PDE8A: variants seen among roughly 807,000 people sequenced by gnomAD.
PDE8A encodes phosphodiesterase 8A.
In PDE8A, 59 loss-of-function variants were observed where a neutral mutation model predicts 105.0. That is an observed-to-expected ratio of 0.56 (90% confidence interval 0.46 to 0.70). The LOEUF (loss-of-function observed/expected upper bound fraction) is 0.70, where lower values mean the gene tolerates loss of function less well. Among genes scored for constraint, PDE8A ranks in the 30% least tolerant of loss-of-function variants. The pLI, the probability that PDE8A is intolerant of heterozygous loss-of-function variation, is 0.00. For synonymous variants in PDE8A, 355 were observed against 371.9 expected (o/e 0.95, Z 0.52); for missense variants, 1,014 against 1,045.9 (o/e 0.97, Z 0.42).
chr15:85,118,258 A>G (rs990201520), intron 17 of PDE8A, among the ~76,000 whole-genome samples: 6 of 152,100 alleles, frequency 3.9e-5, no homozygotes, highest in African/African-American at 1.4e-4. Context: ...GCTCCCACCC[A>G]GGGTTATCTA....
chr15:85,013,556 A>C (rs936005998), intron 1 of PDE8A, among the ~76,000 whole-genome samples: 1 of 152,202 alleles, frequency 6.6e-6, no homozygotes, highest in African/African-American at 2.4e-5. Context: ...GATTGTCTGT[A>C]ATTACTCAAC....
chr15:85,048,366 A>G (rs1259407239), intron 1 of PDE8A, among the ~76,000 whole-genome samples: 1 of 151,520 alleles, frequency 6.6e-6, no homozygotes, highest in Non-Finnish European at 1.5e-5. Context: ...TTTATTTTTT[A>G]TCTATTTGAT....
chr15:85,054,232 C>G (rs62021235), intron 1 of PDE8A, among the ~76,000 whole-genome samples: 2,634 of 151,156 alleles, frequency 0.017, 59 homozygotes, highest in Non-Finnish European at 0.026. Flanking sequence ...GTATTTTATT[C>G]AGGATTTTTG....
At chr15:85,026,926 TTCTG>T (rs1281595639) in intron 1 of PDE8A, among the ~76,000 whole-genome samples, 1 of 152,216 alleles carries the variant, frequency 6.6e-6, no homozygotes, top group Non-Finnish European at 1.5e-5. Context: ...ACGTTTTTCT[TTCTG>T]TGGTCTACAA....
intron 1 of PDE8A, among the ~76,000 whole-genome samples, chr15:85,007,216 G>T (rs1420725306): frequency 6.6e-6 from 1 of 152,094 alleles, no homozygotes; most frequent in East Asian, 1.9e-4. Context: ...GGGCCAGGCA[G>T]TGTCAGTTAA....
intron 20 of PDE8A, among the ~76,000 whole-genome samples, chr15:85,134,110 C>T (rs760829366): frequency 2.6e-5 from 4 of 152,292 alleles, no homozygotes; most frequent in South Asian, 4.1e-4. Flanking sequence ...GGCCCCTGGA[C>T]GTTCCATGCA....
chr15:84,995,204 T>C lies in PDE8A; in HGVS notation c.186+12856T>C, dbSNP rs192841546. Among the ~76,000 whole-genome samples the C allele has an allele frequency of 1.0e-3, 153 of 152,298 alleles. 1 individual carries two copies. The highest frequency in any genetic ancestry group is 3.4e-3 in the African/African-American group (141 of 41,568). On this transcript the variant is annotated intron_variant, in intron 1 of 21. Coordinates refer to ENST00000394553, the MANE Select transcript of PDE8A (RefSeq NM_002605.3). ...TTATTTTCATTCCAGAAAGTTTCAT[T>C]ATGCTCCTTATTGGACAATCTCTTC... is the stretch of plus-strand genomic sequence containing the variant.
intron 1 of PDE8A, among the ~76,000 whole-genome samples, chr15:85,015,002 G>A (rs145737810): frequency 3.5e-4 from 53 of 152,162 alleles, no homozygotes; most frequent in African/African-American, 1.2e-3. Context: ...ACCAATGAAC[G>A]TTTGATTTAA....
At chr15:85,134,867 C>T (rs1288911247) in intron 20 of PDE8A, among the ~76,000 whole-genome samples, 2 of 152,126 alleles carry the variant, frequency 1.3e-5, no homozygotes, top group African/African-American at 2.4e-5. Context: ...TCTGGGAGAG[C>T]CTGAGGTGCT....
chr15:85,057,045 C>T (rs145318392), intron 1 of PDE8A, among the ~76,000 whole-genome samples: 1 of 152,158 alleles, frequency 6.6e-6, no homozygotes, highest in Non-Finnish European at 1.5e-5. Context: ...CAGTCAGGAC[C>T]CTCAACTGCA....
chr15:85,017,815 A>G (rs1402094284), intron 1 of PDE8A, among the ~76,000 whole-genome samples: 1 of 140,758 alleles, frequency 7.1e-6, no homozygotes, highest in East Asian at 2.1e-4. Flanking sequence ...TGAACCTGGG[A>G]GACAGAGGTT....
upstream of PDE8A, among the ~76,000 whole-genome samples, chr15:84,981,812 G>T (rs1344811816): frequency 6.6e-6 from 1 of 151,178 alleles, no homozygotes; most frequent in Non-Finnish European, 1.5e-5. Flanking sequence ...AGCCGCTCCT[G>T]GGTAAGGAGA....
At chr15:85,126,120 T>A (rs2082254578) in intron 19 of PDE8A, 87 bp from the exon 20 acceptor site, 2 of 898,522 alleles carry the variant, frequency 2.2e-6, no homozygotes, top group African/African-American at 1.7e-5. Context: ...AGTGCTCTTT[T>A]TATGCTTACA....
intron 1 of PDE8A, among the ~76,000 whole-genome samples, chr15:85,042,165 GT>G (rs1357647351): frequency 6.6e-6 from 1 of 151,754 alleles, no homozygotes; most frequent in Non-Finnish European, 1.5e-5. Context: ...TCAGAGGTTT[GT>G]TTTTTGTTTT....
At chr15:85,076,179 G>C (rs1207024008) in intron 4 of PDE8A, among the ~76,000 whole-genome samples, 1 of 152,100 alleles carries the variant, frequency 6.6e-6, no homozygotes, top group Non-Finnish European at 1.5e-5. Context: ...ATTCCTAAAA[G>C]TATGAATGTT....
At chr15:84,987,465 CTTTTTTTTTTT>C (rs10656480) in intron 1 of PDE8A, among the ~76,000 whole-genome samples, 3 of 92,468 alleles carry the variant, frequency 3.2e-5, no homozygotes, top group Admixed American at 1.3e-4. Context: ...GGATTGGTTC[CTTTTTTTTTTT>C]TTTTTTTTTT....
At chr15:85,034,347 A>G (rs1171017912) in intron 1 of PDE8A, among the ~76,000 whole-genome samples, 1 of 152,244 alleles carries the variant, frequency 6.6e-6, no homozygotes, top group African/African-American at 2.4e-5. Flanking sequence ...TCAGTCCACC[A>G]AGAGATAACT....
chr15:85,109,323 G>A (rs561073600), intron 12 of PDE8A, among the ~76,000 whole-genome samples, 193 bp downstream of exon 12: 1 of 152,186 alleles, frequency 6.6e-6, no homozygotes, highest in Admixed American at 6.5e-5. Context: ...GCCTTTTAAT[G>A]GAATCAGAAA....
chr15:85,032,347 T>C (rs995957558), intron 1 of PDE8A, among the ~76,000 whole-genome samples: 4 of 152,236 alleles, frequency 2.6e-5, no homozygotes, highest in Non-Finnish European at 4.4e-5. Context: ...TGGATAGTTT[T>C]GTTTGGATTT....
Sources: allele counts gnomAD v4.1 joint callset (sites outside exome capture counted in the v4.1 genomes callset), GRCh38; gene constraint gnomAD v4.1.1; transcripts MANE v1.5; gene names NCBI Gene and HGNC (gene_info 2026-07-23, HGNC 2026-07-21).